The following PDE1C variants were observed in gnomAD, a reference collection of about 807,000 sequenced individuals.
PDE1C encodes the protein phosphodiesterase 1C, also known as dual specificity calcium/calmodulin-dependent 3',5'-cyclic nucleotide phosphodiesterase 1C.
Under a neutral mutation model 93.1 loss-of-function variants are expected in PDE1C, and 62 were observed. The observed-to-expected ratio is 0.67, with a 90% CI of 0.54 to 0.82. The LOEUF (loss-of-function observed/expected upper bound fraction) is 0.82. Ranked by LOEUF, PDE1C falls within the 40% of genes least tolerant of loss-of-function variation. The probability of loss-of-function intolerance (pLI) is 0.00; values close to 1 mark genes in which losing one functional copy is unlikely to be tolerated. For missense variants in PDE1C, 742 were observed against 884.6 expected (o/e 0.84, Z 2.04); for synonymous variants, 325 against 310.1 (o/e 1.05, Z -0.50).
At chr7:31,705,552 C>T in the PDE1C span, among the ~76,000 whole-genome samples, 10 of 152,288 alleles carry the variant, frequency 6.6e-5, no homozygotes, top group South Asian at 2.1e-4. Context: ...CCAATAAATA[C>T]CAGCTAATTG....
intron 1 of PDE1C, among the ~76,000 whole-genome samples, chr7:32,293,178 A>G (rs1812440492): frequency 6.6e-6 from 1 of 152,214 alleles, no homozygotes; most frequent in Non-Finnish European, 1.5e-5. Context: ...TCCCCTGGCC[A>G]TGTTCACCCA....
intron 1 of PDE1C, among the ~76,000 whole-genome samples, chr7:32,062,351 C>A (rs1431254937): frequency 6.6e-6 from 1 of 152,182 alleles, no homozygotes; most frequent in Non-Finnish European, 1.5e-5. Context: ...TGGATGAAGT[C>A]GGACCTGGCT....
intron 3 of PDE1C, among the ~76,000 whole-genome samples, chr7:32,139,146 G>A (rs151022606): frequency 2.6e-5 from 4 of 152,004 alleles, no homozygotes; most frequent in Admixed American, 2.6e-4. Flanking sequence ...ATCAATCTTT[G>A]TTTTTTAGAA....
chr7:32,209,611 C>G (rs1437766952), intron 1 of PDE1C: 49 of 1,243,948 alleles, frequency 3.9e-5, no homozygotes, highest in Non-Finnish European at 5.5e-5. Context: ...CCAATACAGC[C>G]AATCCCCTGG....
At chr7:31,657,064 A>G in the PDE1C span, among the ~76,000 whole-genome samples, 672 of 36,332 alleles carry the variant, frequency 0.018, 6 homozygotes, top group African/African-American at 0.062. Flanking sequence ...CGCACTATAT[A>G]TATTATGTAT....
At chr7:32,395,096 G>A (rs1784818017) in intron 1 of PDE1C, among the ~76,000 whole-genome samples, 1 of 152,208 alleles carries the variant, frequency 6.6e-6, no homozygotes, top group Non-Finnish European at 1.5e-5. Flanking sequence ...ACTGCGATAT[G>A]GAAAAGGTGA....
chr7:31,984,611 G>A (rs908740651), intron 2 of PDE1C, among the ~76,000 whole-genome samples: 7 of 152,112 alleles, frequency 4.6e-5, no homozygotes, highest in Admixed American at 1.3e-4. Flanking sequence ...TTTTCACTGC[G>A]TGCACACTGG....
intron 2 of PDE1C, among the ~76,000 whole-genome samples, chr7:32,182,309 A>T (rs1404784357): frequency 6.6e-6 from 1 of 152,260 alleles, no homozygotes; most frequent in East Asian, 1.9e-4. Flanking sequence ...TGAAGCCAGC[A>T]TTATCCTGAT....
chr7:32,346,558 A>T (rs1052281406), intron 1 of PDE1C, among the ~76,000 whole-genome samples: 1 of 152,200 alleles, frequency 6.6e-6, no homozygotes, highest in Non-Finnish European at 1.5e-5. Flanking sequence ...TGAAGGGGAG[A>T]AAACATTAAA....
intron 1 of PDE1C, among the ~76,000 whole-genome samples, chr7:32,356,563 C>T (rs1476241985): frequency 1.3e-5 from 2 of 152,164 alleles, no homozygotes; most frequent in South Asian, 2.1e-4. Flanking sequence ...CACAAATCAT[C>T]GTGAAAATTA....
rs770316784 is a variant in PDE1C at position 32,079,002 on chromosome 7, G to T, written c.308+90783C>A. ...AAGCATTAAAATCTGTTGAGCAGGT[G>T]TGTAGGAGATGCAAAGTGGAAGTTT... On this transcript the variant is annotated intron_variant, in intron 3 of 18. Transcript: ENST00000396193. Among the ~76,000 whole-genome samples the T allele has an allele frequency of 1.2e-4, 19 of 152,258 alleles. 1 individual carries two copies. The Middle Eastern group carries it at 0.021, about 165-fold the overall frequency.
intron 3 of PDE1C, among the ~76,000 whole-genome samples, chr7:32,116,809 T>C (rs1799007378): frequency 6.6e-6 from 1 of 152,322 alleles, no homozygotes; most frequent in East Asian, 1.9e-4. Context: ...GAACTACAAA[T>C]TTATGGAATT....
intron 2 of PDE1C, among the ~76,000 whole-genome samples, chr7:31,963,966 A>C (rs1396985190): frequency 6.6e-6 from 1 of 152,160 alleles, no homozygotes; most frequent in African/African-American, 2.4e-5. Flanking sequence ...TTAAGAAAAA[A>C]GTGGGGTGGA....
intron 1 of PDE1C, among the ~76,000 whole-genome samples, chr7:32,322,923 T>A (rs1359979339): frequency 6.6e-6 from 1 of 152,084 alleles, no homozygotes; most frequent in African/African-American, 2.4e-5. Flanking sequence ...CCCATCTCTA[T>A]TTTTTTACAA....
intron 9 of PDE1C, among the ~76,000 whole-genome samples, chr7:31,846,329 A>C (rs1792597196): frequency 6.7e-6 from 1 of 150,374 alleles, no homozygotes; most frequent in Admixed American, 6.6e-5. Flanking sequence ...AATAGCACAC[A>C]TATACAACCA....
chr7:32,268,404 C>T (rs1383128059), intron 1 of PDE1C, among the ~76,000 whole-genome samples: 1 of 152,100 alleles, frequency 6.6e-6, no homozygotes, highest in East Asian at 1.9e-4. Flanking sequence ...TGATACCTTT[C>T]TTTCTGGAAT....
intron 17 of PDE1C, among the ~76,000 whole-genome samples, chr7:31,759,372 G>A (rs1253821816): frequency 2.0e-5 from 3 of 152,228 alleles, no homozygotes; most frequent in Non-Finnish European, 4.4e-5. Flanking sequence ...CAACGACTGG[G>A]CACTTCCCAC....
intron 3 of PDE1C, among the ~76,000 whole-genome samples, chr7:32,128,914 T>TAC (rs1799746790): frequency 1.1e-4 from 4 of 37,252 alleles, no homozygotes; most frequent in African/African-American, 4.2e-4. Flanking sequence ...CAAATATATA[T>TAC]ATATATATAT....
chr7:32,015,731 A>C (rs1305995725), intron 2 of PDE1C, among the ~76,000 whole-genome samples: 1 of 152,204 alleles, frequency 6.6e-6, no homozygotes, highest in African/African-American at 2.4e-5. Flanking sequence ...ACTAGAGGAA[A>C]ACACCAAAAA....
Sources: gnomAD v4.1 joint callset for allele counts (sites outside exome capture counted in the v4.1 genomes callset) on GRCh38, gnomAD v4.1.1 for gene constraint, MANE v1.5 for transcripts, NCBI Gene and HGNC (gene_info 2026-07-23, HGNC 2026-07-21) for gene names.